Variants in SEMA5A observed in about 807,000 individuals in gnomAD.
SEMA5A encodes the protein semaphorin-5A.
Under a neutral mutation model 135.5 loss-of-function variants are expected in SEMA5A, and 55 were observed. The observed-to-expected ratio is 0.41, with a 90% CI of 0.33 to 0.51. The LOEUF (loss-of-function observed/expected upper bound fraction) is 0.51. Ranked by LOEUF, SEMA5A falls within the 20% of genes least tolerant of loss-of-function variation. The probability of loss-of-function intolerance (pLI) is 0.37; values close to 1 mark genes in which losing one functional copy is unlikely to be tolerated. For missense variants in SEMA5A, 1,290 were observed against 1,419.9 expected, an observed-to-expected ratio of 0.91 and a Z score of 1.47; for synonymous variants, 580 against 546.5, an observed-to-expected ratio of 1.06 and a Z score of -0.85.
intron 16 of SEMA5A, among the ~76,000 whole-genome samples, chr5:9,072,912 A>C (rs774839419): frequency 2.0e-5 from 3 of 152,196 alleles, no homozygotes; most frequent in Non-Finnish European, 2.9e-5. Flanking sequence ...ACTGATGCAG[A>C]TATGACACAG....
intron 11 of SEMA5A, among the ~76,000 whole-genome samples, chr5:9,159,883 T>C (rs916430681): frequency 3.3e-5 from 5 of 152,040 alleles, no homozygotes; most frequent in Non-Finnish European, 7.4e-5. Context: ...TAAAAAGCAA[T>C]AAGATCACGT....
intron 3 of SEMA5A, among the ~76,000 whole-genome samples, chr5:9,373,123 A>T (rs1334707558): frequency 6.6e-6 from 1 of 152,196 alleles, no homozygotes; most frequent in Non-Finnish European, 1.5e-5. Flanking sequence ...TGAATACGAG[A>T]AAGAGCCAAC....
At chr5:9,133,621 T>G (rs971741278) in intron 13 of SEMA5A, among the ~76,000 whole-genome samples, 25 of 152,170 alleles carry the variant, frequency 1.6e-4, no homozygotes, top group African/African-American at 5.3e-4. Flanking sequence ...GAGGCAGCCT[T>G]GACACCATGG....
chr5:9,291,224 G>T (rs1055140565), intron 5 of SEMA5A, among the ~76,000 whole-genome samples: 36 of 152,256 alleles, frequency 2.4e-4, no homozygotes, highest in Middle Eastern at 6.8e-3. Flanking sequence ...ACAAAACCCA[G>T]AGTTTAAACA....
chr5:9,137,356 C>T lies in SEMA5A; in HGVS notation c.1482-735G>A, dbSNP rs1014866031. Reference sequence around the variant, plus strand: ...ATGATATCAGAAGTATTTTAGATGGCGGATATTTTCTTTTTAACTTTGTCT... The same window carrying T: ...ATGATATCAGAAGTATTTTAGATGGTGGATATTTTCTTTTTAACTTTGTCT... On this transcript the variant is annotated intron_variant, in intron 12 of 22. Coordinates refer to ENST00000382496, the MANE Select transcript of SEMA5A (RefSeq NM_003966.3). 1.1e-4 allele frequency among the ~76,000 whole-genome samples: 16 copies of T among 152,028 alleles called. 1 individual carries two copies. Among genetic ancestry groups the T allele is most frequent in the Admixed American group, 2.6e-4 (4 of 15,256 alleles).
intron 3 of SEMA5A, among the ~76,000 whole-genome samples, chr5:9,341,805 G>A (rs930214490): frequency 3.3e-5 from 5 of 151,168 alleles, no homozygotes; most frequent in African/African-American, 7.3e-5. Flanking sequence ...ATATATTTAC[G>A]TGATTGTTGA....
chr5:9,455,387 C>G (rs1758795989), intron 1 of SEMA5A, among the ~76,000 whole-genome samples: 2 of 151,988 alleles, frequency 1.3e-5, no homozygotes, highest in Admixed American at 1.3e-4. Context: ...TCCCGAGTAG[C>G]TGGGACTGCA....
At chr5:9,122,626 A>C (rs764976139) in intron 14 of SEMA5A, 30 bp downstream of exon 14, 89 of 1,499,358 alleles carry the variant, frequency 5.9e-5, no homozygotes, top group Non-Finnish European at 7.8e-5. Context: ...AATACACAGC[A>C]GCACAACTGG....
intron 11 of SEMA5A, among the ~76,000 whole-genome samples, chr5:9,158,999 C>T (rs1418274817): frequency 6.6e-6 from 1 of 152,058 alleles, no homozygotes; most frequent in Non-Finnish European, 1.5e-5. Context: ...ATGCACTATT[C>T]AATATTATTC....
At chr5:9,191,714 G>C (rs1745123211) in intron 10 of SEMA5A, among the ~76,000 whole-genome samples, 1 of 152,238 alleles carries the variant, frequency 6.6e-6, no homozygotes, top group African/African-American at 2.4e-5. Context: ...GAATCTGAGA[G>C]TTAAACGGAT....
In SEMA5A at chr5:9,132,919, C is replaced by A. The variant is rs140629846; in HGVS notation, c.1599+3585G>T. 4.6e-5 allele frequency among the ~76,000 whole-genome samples: 7 copies of A among 152,330 alleles called. No individual in the cohort carries two copies. The East Asian group carries it at 1.3e-3, about 29-fold the overall frequency. ...ATTTCCTTTGGAAAGAGATACATACCTCTATGATCTATATACGTAGAAGTA... is the reference window on the plus strand; with the variant it reads ...ATTTCCTTTGGAAAGAGATACATACATCTATGATCTATATACGTAGAAGTA... On this transcript the variant is annotated intron_variant, in intron 13 of 22. Transcript: ENST00000382496.
chr5:9,525,227 C>T (rs1579685701), intron 1 of SEMA5A, among the ~76,000 whole-genome samples: 1 of 152,188 alleles, frequency 6.6e-6, no homozygotes. Context: ...AACAGCAGAA[C>T]TGAGTAGTCA....
intron 5 of SEMA5A, among the ~76,000 whole-genome samples, chr5:9,276,722 T>C (rs1026014558): frequency 1.3e-5 from 2 of 152,226 alleles, no homozygotes; most frequent in African/African-American, 4.8e-5. Context: ...AAGGATTCCC[T>C]CTTTAATAAA....
chr5:9,268,807 T>TAA (rs1212826612), intron 5 of SEMA5A, among the ~76,000 whole-genome samples: 3 of 152,178 alleles, frequency 2.0e-5, no homozygotes, highest in East Asian at 1.9e-4. Flanking sequence ...TGTATATATA[T>TAA]AATTAATCAG....
chr5:9,184,026 T>C (rs1404222898), intron 11 of SEMA5A, among the ~76,000 whole-genome samples: 1 of 152,222 alleles, frequency 6.6e-6, no homozygotes, highest in Non-Finnish European at 1.5e-5. Context: ...CTCTCATCAT[T>C]TGGCTGAATT....
chr5:9,113,729 T>C (rs577731034), intron 15 of SEMA5A, among the ~76,000 whole-genome samples: 1 of 152,182 alleles, frequency 6.6e-6, no homozygotes, highest in South Asian at 2.1e-4. Context: ...CTAAGGAAAT[T>C]CAAATCAAAA....
At chr5:9,325,491 A>G (rs1446018419) in intron 4 of SEMA5A, among the ~76,000 whole-genome samples, 1 of 152,046 alleles carries the variant, frequency 6.6e-6, no homozygotes, top group Non-Finnish European at 1.5e-5. Context: ...TACTGACTCT[A>G]GGATTGAATA....
chr5:9,079,777 G>C lies in SEMA5A; in HGVS notation c.2074-13131C>G, dbSNP rs1738269336. Among the ~76,000 whole-genome samples the C allele has an allele frequency of 1.3e-5, 2 of 152,136 alleles. 1 individual carries two copies. Among genetic ancestry groups the C allele is most frequent in the South Asian group, 4.2e-4 (2 of 4,818 alleles). ...TTCTCAAAAGAAGACATTTATGCAG[G>C]CAACAAACATATGAAAAAAAGCTCA... On this transcript the variant is annotated intron_variant, in intron 16 of 22. Transcript: ENST00000382496.
intron 5 of SEMA5A, among the ~76,000 whole-genome samples, chr5:9,249,084 G>C (rs1748635895): frequency 6.6e-6 from 1 of 152,142 alleles, no homozygotes; most frequent in South Asian, 2.1e-4. Flanking sequence ...CAAACATCTG[G>C]GCCAGGCCCA....
Sources: gnomAD v4.1 joint callset for allele counts (sites outside exome capture counted in the v4.1 genomes callset) on GRCh38, gnomAD v4.1.1 for gene constraint, MANE v1.5 for transcripts, NCBI Gene and HGNC (gene_info 2026-07-23, HGNC 2026-07-21) for gene names.